CCDC38: variants seen among roughly 807,000 people sequenced by gnomAD.
CCDC38 encodes coiled-coil domain-containing protein 38.
CCDC38 carries 69 observed loss-of-function variants against 72.8 expected under a neutral mutation model. That is an observed-to-expected ratio of 0.95 (90% CI 0.78 to 1.16). CCDC38 has a LOEUF of 1.16. Ranked by LOEUF, CCDC38 falls within the 50% of genes most tolerant of loss-of-function variation. CCDC38 has a pLI of 0.00. For synonymous variants in CCDC38, 201 were observed against 213.2 expected (o/e 0.94, Z 0.50); for missense variants, 626 against 638.9 (o/e 0.98, Z 0.22).
chr12:95,889,114 T>C (rs1009139930), intron 9 of CCDC38: 21 of 150,788 alleles, frequency 1.4e-4, no homozygotes, highest in Non-Finnish European at 2.4e-4. Flanking sequence ...TCTCGGCTCA[T>C]TGCAACCTCT....
chr12:95,903,563 C>T, intron 5 of CCDC38: 1 of 654,002 alleles, frequency 1.5e-6, no homozygotes, highest in Non-Finnish European at 2.8e-6. Context: ...AGGAACTTCT[C>T]TTCTGTTCCT....
rs138708659 is a variant in CCDC38, at chr12:95,934,275, T to C, written c.37+2198A>G. On this transcript the variant is annotated intron_variant, in intron 2 of 15. Transcript: ENST00000344280. ...CAAGGGATAGGGTATGTAGTTATTG[T>C]CAGGTTGTAATTTCTTGTGAAGATC... 13 of 152,320 alleles carry C rather than the reference T, an allele frequency of 8.5e-5. No individual in the cohort carries two copies. In the East Asian group the frequency reaches 2.1e-3, roughly 25 times the overall value. 9.4% of individuals were successfully genotyped at this position (152,320 alleles called of 1,614,324 possible). A position where few individuals can be genotyped will look rare whatever the true frequency, so the allele number is the denominator to read the frequency against.
intron 10 of CCDC38, chr12:95,885,628 C>G (rs2079750635): frequency 6.4e-6 from 1 of 155,102 alleles, no homozygotes; most frequent in African/African-American, 2.4e-5. Context: ...GCTTAAGTTC[C>G]CATCTGTGAT....
At chr12:95,889,048 T>TTC in intron 9 of CCDC38, 1 of 183,108 alleles carries the variant, frequency 5.5e-6, no homozygotes, top group African/African-American at 2.5e-5. Context: ...TTTTTTTTTT[T>TTC]TTTTTTTGAG....
At chr12:95,930,796 G>A (rs971596386) in intron 2 of CCDC38, among the ~76,000 whole-genome samples, 1 of 152,060 alleles carries the variant, frequency 6.6e-6, no homozygotes, top group African/African-American at 2.4e-5. Flanking sequence ...CAAACTGGAC[G>A]CTAGGCTCAA....
chr12:95,906,053 T>A (rs1473487448), intron 5 of CCDC38, among the ~76,000 whole-genome samples: 1 of 152,212 alleles, frequency 6.6e-6, no homozygotes, highest in Non-Finnish European at 1.5e-5. Context: ...GGCACTATCC[T>A]GGTCATAGAA....
At position 95,908,657 on chromosome 12, in the gene CCDC38, A is replaced by AG. The variant is rs1555230360; in HGVS notation, c.305-2207dup. ...AGGGAGGAGAGGGAGAGGGAGAGGGAGGAGAGGGAGAGGGAGAGGGAGAGG... is the reference window on the plus strand; with the variant it reads ...AGGGAGGAGAGGGAGAGGGAGAGGGAGGGAGAGGGAGAGGGAGAGGGAGAGG... On this transcript the variant is annotated intron_variant, in intron 4 of 15. Transcript: ENST00000344280. Among the ~76,000 whole-genome samples the AG allele has an allele frequency of 1.8e-3, 4 of 2,164 alleles. 1 individual carries two copies. Among genetic ancestry groups the AG allele is most frequent in the Non-Finnish European group, 2.7e-3 (4 of 1,470 alleles). 1.4% of individuals were successfully genotyped at this position (2,164 alleles called of 152,430 possible).
intron 9 of CCDC38, among the ~76,000 whole-genome samples, chr12:95,890,073 A>C (rs1158048395): frequency 6.6e-6 from 1 of 151,932 alleles, no homozygotes; most frequent in Non-Finnish European, 1.5e-5. Flanking sequence ...CACCATGCCC[A>C]GCTAATTTTT....
chr12:95,870,410 A>T (rs1196249650), intron 14 of CCDC38, among the ~76,000 whole-genome samples: 1 of 152,234 alleles, frequency 6.6e-6, no homozygotes, highest in Non-Finnish European at 1.5e-5. Flanking sequence ...TTATGGACCT[A>T]TTTAATGATA....
At chr12:95,926,738 T>A (rs2080275354) in intron 2 of CCDC38, among the ~76,000 whole-genome samples, 1 of 151,764 alleles carries the variant, frequency 6.6e-6, no homozygotes, top group South Asian at 2.1e-4. Context: ...TCTGGTATGT[T>A]GTGTCTTTGT....
chr12:95,888,391 G>A (rs2079783652), intron 10 of CCDC38, 67 bp downstream of exon 10: 3 of 1,389,178 alleles, frequency 2.2e-6, no homozygotes, highest in Admixed American at 1.7e-5. Context: ...TTGAGAAAAG[G>A]CTTTAAAAGT....
intron 5 of CCDC38, 32 bp downstream of exon 5, chr12:95,906,355 C>T (rs1449997784): frequency 6.8e-7 from 1 of 1,465,236 alleles, no homozygotes; most frequent in Non-Finnish European, 9.5e-7. Context: ...AAGTCTTCCA[C>T]TTGGCTAGGG....
At chr12:95,883,732 A>G (rs1416473705) in intron 10 of CCDC38, among the ~76,000 whole-genome samples, 1 of 152,228 alleles carries the variant, frequency 6.6e-6, no homozygotes, top group African/African-American at 2.4e-5. Flanking sequence ...CCTTGAGGGC[A>G]GAGATTATCT....
intron 4 of CCDC38, among the ~76,000 whole-genome samples, chr12:95,907,809 C>T (rs1240322662): frequency 3.3e-5 from 5 of 150,410 alleles, no homozygotes; most frequent in Admixed American, 2.0e-4. Flanking sequence ...GACGGGGCGA[C>T]AGGGCAGAGG....
Position 95,867,051 on chromosome 12 carries a change from TAATAA to T in CCDC38, c.*20_*24del, listed in dbSNP as rs1418493395. On this transcript the variant is annotated 3_prime_UTR_variant, in exon 16 of 16. Coordinates refer to ENST00000344280, the MANE Select transcript of CCDC38 (RefSeq NM_182496.3). ...ACAAAATACACCTAAGACATTCTGG[TAATAA>T]AATGTCTTACTGCTTTTATTCAAGT... 6 of 1,233,794 alleles carry T rather than the reference TAATAA, an allele frequency of 4.9e-6. No individual in the cohort carries two copies. Among genetic ancestry groups the T allele is most frequent in the Non-Finnish European group, 7.1e-6 (6 of 843,378 alleles). The allele number at this position is 1,233,794 out of a possible 1,614,324, so 76.4% of individuals were successfully genotyped here.
intron 10 of CCDC38, chr12:95,885,912 T>C (rs143029161): frequency 6.6e-6 from 1 of 152,332 alleles, no homozygotes; most frequent in Non-Finnish European, 1.5e-5. Flanking sequence ...TAAGTAGCAG[T>C]ATGTTACCAG....
At chr12:95,870,792 C>T (rs142696004) in intron 14 of CCDC38, among the ~76,000 whole-genome samples, 1 of 152,262 alleles carries the variant, frequency 6.6e-6, no homozygotes, top group African/African-American at 2.4e-5. Context: ...TGTGGGTAAG[C>T]ATATCCACCC....
At chr12:95,919,715 A>G in intron 2 of CCDC38, 1 of 434,432 alleles carries the variant, frequency 2.3e-6, no homozygotes. Context: ...TCTCACCATT[A>G]TACATATACC....
In CCDC38 at chr12:95,892,358, C is replaced by T. The variant is rs545997177; in HGVS notation, c.773-1428G>A. On this transcript the variant is annotated intron_variant, in intron 8 of 15. Coordinates refer to ENST00000344280, the MANE Select transcript of CCDC38 (RefSeq NM_182496.3). ...GGAGCGCAGTGGCATGATCATGGCTCACTGCAACTTCCTCCTCCTGGGCTC... is the reference window on the plus strand; with the variant it reads ...GGAGCGCAGTGGCATGATCATGGCTTACTGCAACTTCCTCCTCCTGGGCTC... 1.6e-4 allele frequency among the ~76,000 whole-genome samples: 22 copies of T among 136,980 alleles called. 1 individual carries two copies. The highest frequency in any genetic ancestry group is 5.1e-4 in the African/African-American group (18 of 35,080). The allele number at this position is 136,980 out of a possible 152,430, so 89.9% of individuals were successfully genotyped here.
Sources: gnomAD v4.1 joint callset for allele counts (sites outside exome capture counted in the v4.1 genomes callset) on GRCh38, gnomAD v4.1.1 for gene constraint, MANE v1.5 for transcripts, NCBI Gene and HGNC (gene_info 2026-07-23, HGNC 2026-07-21) for gene names.